CRB1: variants seen among roughly 807,000 people sequenced by gnomAD.
CRB1 encodes protein crumbs homolog 1.
Under a neutral mutation model 120.0 loss-of-function variants are expected in CRB1, and 83 were observed. The observed-to-expected ratio is 0.69, with a 90% CI of 0.58 to 0.83. The LOEUF (loss-of-function observed/expected upper bound fraction) is 0.83. CRB1 is among the 40% of genes least tolerant of loss of function. The probability of loss-of-function intolerance (pLI) is 0.00; values close to 1 mark genes in which losing one functional copy is unlikely to be tolerated. For synonymous variants in CRB1, 625 were observed against 612.5 expected (o/e 1.02, Z -0.30); for missense variants, 1,699 against 1,687.6 (o/e 1.01, Z -0.12).
At chr1:197,283,880 A>G (rs1655675991) in intron 1 of CRB1, among the ~76,000 whole-genome samples, 1 of 151,718 alleles carries the variant, frequency 6.6e-6, no homozygotes, top group Non-Finnish European at 1.5e-5. Context: ...CAGAGCTACT[A>G]ACAGAAGTAG....
chr1:197,405,695 T>C (rs1358785011), intron 5 of CRB1, among the ~76,000 whole-genome samples: 4 of 150,158 alleles, frequency 2.7e-5, no homozygotes, highest in Admixed American at 6.6e-5. Context: ...TGCCGCCCCG[T>C]CTGGGAGGTG....
the CRB1 span, among the ~76,000 whole-genome samples, chr1:197,245,775 C>G: frequency 1.3e-5 from 2 of 152,024 alleles, no homozygotes; most frequent in African/African-American, 4.8e-5. Flanking sequence ...ATGGATGTTC[C>G]TTGCTACTGG....
chr1:197,219,217 T>C, the CRB1 span, among the ~76,000 whole-genome samples: 1 of 152,214 alleles, frequency 6.6e-6, no homozygotes, highest in African/African-American at 2.4e-5. Context: ...GACTCATAAT[T>C]TTATTTGAAA....
intron 6 of CRB1, among the ~76,000 whole-genome samples, chr1:197,426,256 C>G (rs1458556346): frequency 6.6e-6 from 1 of 151,960 alleles, no homozygotes; most frequent in East Asian, 1.9e-4. Context: ...CTGATCCAAG[C>G]CATTATCATT....
chr1:197,227,389 T>G, the CRB1 span, among the ~76,000 whole-genome samples: 1 of 149,434 alleles, frequency 6.7e-6, no homozygotes, highest in Non-Finnish European at 1.5e-5. Context: ...CTTTTTTTCT[T>G]TTTCTTTTTT....
chr1:197,417,537 A>AAT (rs1664068948), intron 5 of CRB1, among the ~76,000 whole-genome samples: 1 of 152,230 alleles, frequency 6.6e-6, no homozygotes, highest in Non-Finnish European at 1.5e-5. Context: ...TCAGTAAACC[A>AAT]ATAGCAAAGG....
At chr1:197,365,997 T>C (rs1291060650) in intron 5 of CRB1, among the ~76,000 whole-genome samples, 2 of 152,166 alleles carry the variant, frequency 1.3e-5, no homozygotes, top group African/African-American at 4.8e-5. Context: ...TAAAAGTCCC[T>C]ATGTAACATT....
At chr1:197,374,934 A>G (rs1661566546) in intron 5 of CRB1, among the ~76,000 whole-genome samples, 1 of 152,106 alleles carries the variant, frequency 6.6e-6, no homozygotes, top group Non-Finnish European at 1.5e-5. Flanking sequence ...AAGGCACCAT[A>G]TAAGGCTGTT....
At chr1:197,422,688 T>C in intron 6 of CRB1, 1 of 152,352 alleles carries the variant, frequency 6.6e-6, no homozygotes, top group South Asian at 2.1e-4. Context: ...TTCTAGAGAT[T>C]GCTGTTGATA....
chr1:197,348,898 GT>G (rs1161848484), intron 4 of CRB1, among the ~76,000 whole-genome samples: 1 of 135,098 alleles, frequency 7.4e-6, no homozygotes, highest in Non-Finnish European at 1.5e-5. Flanking sequence ...GTACACTAAG[GT>G]TAGTTTTTAA....
chr1:197,230,545 C>T, the CRB1 span, among the ~76,000 whole-genome samples: 15 of 152,048 alleles, frequency 9.9e-5, no homozygotes, highest in South Asian at 2.1e-4. Flanking sequence ...GAAATAATCA[C>T]TATGTGGCAA....
At chr1:197,267,473 G>A (rs1179520428), upstream of CRB1, among the ~76,000 whole-genome samples, 1 of 152,176 alleles carries the variant, frequency 6.6e-6, no homozygotes, top group Admixed American at 6.5e-5. Context: ...GATTTATAAA[G>A]CTTTGTAAAA....
At chr1:197,238,338 C>T in the CRB1 span, among the ~76,000 whole-genome samples, 1 of 151,876 alleles carries the variant, frequency 6.6e-6, no homozygotes, top group African/African-American at 2.4e-5. Context: ...TAATGTTAAT[C>T]AATTGATATT....
intron 1 of CRB1, among the ~76,000 whole-genome samples, chr1:197,283,384 G>A (rs941986840): frequency 1.3e-5 from 2 of 151,494 alleles, no homozygotes; most frequent in Admixed American, 6.6e-5. Context: ...CTGTTATCCC[G>A]CATCCCCCTC....
At chr1:197,252,182 A>T in the CRB1 span, among the ~76,000 whole-genome samples, 2 of 151,952 alleles carry the variant, frequency 1.3e-5, no homozygotes, top group African/African-American at 2.4e-5. Context: ...ATATGTATAC[A>T]AATGAACATA....
At chr1:197,238,283 A>G in the CRB1 span, among the ~76,000 whole-genome samples, 2 of 152,200 alleles carry the variant, frequency 1.3e-5, no homozygotes, top group African/African-American at 4.8e-5. Context: ...ACAAATGAAG[A>G]CAAATAAAAT....
intron 5 of CRB1, among the ~76,000 whole-genome samples, chr1:197,415,629 CTTTT>C (rs1663945069): frequency 7.9e-6 from 1 of 126,724 alleles, no homozygotes; most frequent in Non-Finnish European, 1.7e-5. Context: ...TTTTCTTTTT[CTTTT>C]TTCTTTTCTT....
intron 1 of CRB1, among the ~76,000 whole-genome samples, chr1:197,276,210 A>G (rs987412822): frequency 3.3e-5 from 5 of 151,926 alleles, no homozygotes; most frequent in African/African-American, 1.2e-4. Context: ...GCTGTATCCC[A>G]TACTGCTGTA....
Position 197,423,552 on chromosome 1 carries a change from T to C in CRB1, c.2128+1596T>C, listed in dbSNP as rs377533615. 9.7e-4 allele frequency among the ~76,000 whole-genome samples: 148 copies of C among 152,316 alleles called. 4 individuals carry two copies. In the South Asian group the frequency reaches 0.03, roughly 31 times the overall value. ...TTCATTATAAAATTAAAATATTCTG[T>C]ATTTTCTGTTATCTTGAAGGAATGT... On this transcript the variant is annotated intron_variant, in intron 6 of 11. Transcript: ENST00000367400.
Sources: gnomAD v4.1 joint callset for allele counts (sites outside exome capture counted in the v4.1 genomes callset) on GRCh38, gnomAD v4.1.1 for gene constraint, MANE v1.5 for transcripts, NCBI Gene and HGNC (gene_info 2026-07-23, HGNC 2026-07-21) for gene names.